The following DMD variants were observed in gnomAD, a reference collection of about 807,000 sequenced individuals.
DMD encodes the protein dystrophin, also known as mutant dystrophin.
A neutral mutation model predicts 330.1 loss-of-function variants in DMD; 63 were observed. The ratio of observed to expected loss-of-function variants is 0.19; its 90% CI spans 0.16 to 0.24. The LOEUF (loss-of-function observed/expected upper bound fraction) is 0.24. Ranked by LOEUF, DMD falls within the 10% of genes least tolerant of loss-of-function variation. DMD has a pLI of 1.00. For missense variants in DMD, 3,344 were observed against 2,684.1 expected (o/e 1.25, Z -5.43); for synonymous variants, 1,223 against 959.8 (o/e 1.27, Z -5.07).
At chrX:32,723,420 G>A (rs187576402) in intron 7 of DMD, among the ~76,000 whole-genome samples, 1 of 111,178 alleles carries the variant, frequency 9.0e-6, no homozygotes, top group Non-Finnish European at 1.9e-5. Context: ...CGTATTTAGG[G>A]TGATGCTGAA....
chrX:32,020,282 G>A (rs2095797629), intron 44 of DMD, among the ~76,000 whole-genome samples: 1 of 112,406 alleles, frequency 8.9e-6, no homozygotes, highest in African/African-American at 3.2e-5. Flanking sequence ...TCACACTTAT[G>A]AGAAATTCAC....
chrX:32,501,251 C>A (rs1425820965), intron 19 of DMD, among the ~76,000 whole-genome samples: 2 of 111,570 alleles, frequency 1.8e-5, no homozygotes, highest in African/African-American at 6.5e-5. Context: ...AAAGGTTATC[C>A]CGAAGAGACT....
chrX:32,397,963 T>A (rs900611782), intron 30 of DMD, among the ~76,000 whole-genome samples: 1 of 111,281 alleles, frequency 9.0e-6, no homozygotes, highest in Non-Finnish European at 1.9e-5. Context: ...ATGTTGAGAC[T>A]ACTGATTGAT....
intron 44 of DMD, among the ~76,000 whole-genome samples, chrX:32,092,724 CTTTTTTTTTTTTTTT>C (rs11315047): frequency 0.01 from 399 of 39,816 alleles, 14 homozygotes; most frequent in African/African-American, 0.042. Flanking sequence ...GTTATTTTCA[CTTTTTTTTTTTTTTT>C]TTTTTTTTTT....
At chrX:32,973,758 G>A (rs1166938127) in intron 2 of DMD, among the ~76,000 whole-genome samples, 1 of 112,010 alleles carries the variant, frequency 8.9e-6, no homozygotes, top group Non-Finnish European at 1.9e-5. Context: ...GTTTTAAACT[G>A]CTAAGTATCA....
At chrX:31,571,150 T>C (rs747665509) in intron 55 of DMD, among the ~76,000 whole-genome samples, 16 of 111,362 alleles carry the variant, frequency 1.4e-4, no homozygotes, top group Non-Finnish European at 2.1e-4. Flanking sequence ...AATAGCATTG[T>C]TAAATAAAGT....
chrX:32,145,513 TTGCAC>T (rs1276434358), intron 44 of DMD, among the ~76,000 whole-genome samples: 3 of 112,373 alleles, frequency 2.7e-5, no homozygotes, highest in Non-Finnish European at 3.7e-5. Context: ...TCTTGCTCTG[TTGCAC>T]TGTGAGAGAA....
intron 1 of DMD, among the ~76,000 whole-genome samples, chrX:33,028,479 G>T (rs141351942): frequency 1.8e-5 from 2 of 111,862 alleles, no homozygotes; most frequent in Non-Finnish European, 3.8e-5. Context: ...ACATATTATC[G>T]ATTAGGCCTG....
At chrX:32,836,766 G>C (rs1367141103) in intron 4 of DMD, among the ~76,000 whole-genome samples, 1 of 111,741 alleles carries the variant, frequency 8.9e-6, no homozygotes, top group African/African-American at 3.3e-5. Context: ...TAATTTATAA[G>C]TATATTATTA....
Position 32,849,773 on chromosome X carries a change from C to A in DMD, c.141G>T (p.Gly47=), listed in dbSNP as rs1316879734. The A allele has an allele frequency of 8.3e-7, 1 of 1,210,007 alleles. No homozygotes were observed. ...IENLFSDLQD[G]RRLLDLLEGL... is the part of the protein sequence containing the mutation. ...CTTCGAGGAGGTCTAGGAGGCGCCT[C>A]CCATCCTGTAGGTCACTGAAGAGGT... Residue 47 remains glycine (G), a synonymous_variant, in exon 3 of 79, where the codon GGG becomes GGT. Transcript: ENST00000357033.
chrX:33,118,966 A>G (rs183206839), intron 1 of DMD, among the ~76,000 whole-genome samples: 3,318 of 111,821 alleles, frequency 0.03, 133 homozygotes, highest in African/African-American at 0.1. Flanking sequence ...CACAACCTCC[A>G]TATCTGACAC....
chrX:33,112,509 G>T (rs140745651), intron 1 of DMD, among the ~76,000 whole-genome samples: 1 of 111,489 alleles, frequency 9.0e-6, no homozygotes, highest in Non-Finnish European at 1.9e-5. Context: ...GACATTAATA[G>T]TTAATTGCTT....
intron 1 of DMD, among the ~76,000 whole-genome samples, chrX:33,037,508 A>C (rs2765381): frequency 0.45 from 50,071 of 110,443 alleles, 9,096 homozygotes; most frequent in Non-Finnish European, 0.58. Flanking sequence ...CTGGGTTACT[A>C]TCAGTGATAA....
intron 3 of DMD, among the ~76,000 whole-genome samples, chrX:32,848,972 T>A (rs932795817): frequency 9.0e-6 from 1 of 111,088 alleles, no homozygotes; most frequent in East Asian, 2.8e-4. Context: ...TTGTATAATA[T>A]GACAAAATCT....
At chrX:32,177,942 T>C (rs1486558984) in intron 44 of DMD, among the ~76,000 whole-genome samples, 6 of 110,765 alleles carry the variant, frequency 5.4e-5, no homozygotes, top group African/African-American at 2.0e-4. Flanking sequence ...AGGATTTTGG[T>C]AGAGATTTGG....
At chrX:31,870,527 G>A (rs748587101) in intron 48 of DMD, among the ~76,000 whole-genome samples, 29 of 111,764 alleles carry the variant, frequency 2.6e-4, no homozygotes, top group Non-Finnish European at 4.5e-4. Context: ...GCACTTAGAG[G>A]CTCTCCTGCC....
At chrX:32,184,791 G>A (rs2096939573) in intron 44 of DMD, among the ~76,000 whole-genome samples, 1 of 103,407 alleles carries the variant, frequency 9.7e-6, no homozygotes, top group Non-Finnish European at 2.0e-5. Flanking sequence ...AAGGCAAGTG[G>A]TTAGAAAGGA....
At chrX:32,095,100 A>C (rs2096496800) in intron 44 of DMD, among the ~76,000 whole-genome samples, 1 of 111,771 alleles carries the variant, frequency 8.9e-6, no homozygotes, top group Non-Finnish European at 1.9e-5. Flanking sequence ...AGAGTCTGAA[A>C]GGGCTTGGAG....
intron 7 of DMD, among the ~76,000 whole-genome samples, chrX:32,751,001 T>C (rs6653588): frequency 0.044 from 4,900 of 111,993 alleles, 229 homozygotes; most frequent in African/African-American, 0.15. Flanking sequence ...TCCAGCATGA[T>C]TGTGAAGCTT....
Sources: allele counts gnomAD v4.1 joint callset (sites outside exome capture counted in the v4.1 genomes callset), GRCh38; gene constraint gnomAD v4.1.1; transcripts MANE v1.5; gene names NCBI Gene and HGNC (gene_info 2026-07-23, HGNC 2026-07-21).